NID1: variants seen among roughly 807,000 people sequenced by gnomAD.
The protein encoded by NID1 is nidogen 1.
Under a neutral mutation model 130.6 loss-of-function variants are expected in NID1, and 76 were observed. That is an observed-to-expected ratio of 0.58 (90% CI 0.48 to 0.70). NID1 has a LOEUF of 0.70. NID1 is among the 30% of genes least tolerant of loss of function. The probability of loss-of-function intolerance (pLI) is 0.00; values close to 1 mark genes in which losing one functional copy is unlikely to be tolerated. For synonymous variants in NID1, 665 were observed against 675.1 expected, an observed-to-expected ratio of 0.98 and a Z score of 0.23; for missense variants, 1,517 against 1,664.8, an observed-to-expected ratio of 0.91 and a Z score of 1.54.
intron 4 of NID1, among the ~76,000 whole-genome samples, chr1:236,040,425 G>T (rs539749771): frequency 6.6e-6 from 1 of 152,308 alleles, no homozygotes; most frequent in East Asian, 1.9e-4. Context: ...GAACAAGCGT[G>T]TATGGCTACT....
intron 16 of NID1, among the ~76,000 whole-genome samples, chr1:235,981,286 G>A (rs565474445): frequency 1.3e-4 from 20 of 152,154 alleles, no homozygotes; most frequent in African/African-American, 3.4e-4. Context: ...CATTTATGCC[G>A]CCCTGCTACT....
rs1209635554 is a variant in NID1 at position 236,032,711 on chromosome 1, C to G, written c.1286-59G>C. On this transcript the variant is annotated intron_variant, in intron 5 of 19. Transcript: ENST00000264187. ...CACTTCCAAGCCAGTCTTTCAAACACGAGTAATATGTAGGACCTGTACCTA... is the reference window on the plus strand; with the variant it reads ...CACTTCCAAGCCAGTCTTTCAAACAGGAGTAATATGTAGGACCTGTACCTA... 2.5e-6 allele frequency: 4 copies of G among 1,592,916 alleles called. No individual in the cohort carries two copies. In the East Asian group the frequency reaches 8.9e-5, roughly 36 times the overall value.
At chr1:236,024,309 A>C in intron 8 of NID1, 96 bp from the exon 9 acceptor site, 1 of 1,433,352 alleles carries the variant, frequency 7.0e-7, no homozygotes, top group Non-Finnish European at 9.5e-7. Context: ...GTGAGCAAGA[A>C]GGTGATCACA....
At chr1:236,003,134 G>A (rs9726902) in intron 12 of NID1, among the ~76,000 whole-genome samples, 32,540 of 123,500 alleles carry the variant, frequency 0.26, 5,041 homozygotes, top group Non-Finnish European at 0.31. Context: ...GTGAACGACT[G>A]GTAGTTGTCA....
At chr1:236,051,048 T>G (rs1659750956) in intron 1 of NID1, among the ~76,000 whole-genome samples, 1 of 151,778 alleles carries the variant, frequency 6.6e-6, no homozygotes, top group South Asian at 2.1e-4. Flanking sequence ...GCACTGATGA[T>G]GCACTCCAGC....
chr1:236,019,621 T>C (rs554616939), intron 9 of NID1, among the ~76,000 whole-genome samples: 1 of 152,338 alleles, frequency 6.6e-6, no homozygotes, highest in Non-Finnish European at 1.5e-5. Flanking sequence ...TCCACCTCCA[T>C]GCCGGCTTAC....
chr1:235,980,472 G>T (rs1255876145), intron 17 of NID1, 24 bp downstream of exon 17: 1 of 1,613,310 alleles, frequency 6.2e-7, no homozygotes, highest in Non-Finnish European at 8.5e-7. Flanking sequence ...GACCCGCCCT[G>T]GACAGTGTCC....
In NID1 at chr1:236,052,741, A is replaced by G. The variant is rs1022836911; in HGVS notation, c.226-3752T>C. Among the ~76,000 whole-genome samples, 5 of 152,162 alleles carry G rather than the reference A, an allele frequency of 3.3e-5. No individual in the cohort carries two copies. The South Asian group carries it at 1.0e-3, about 32-fold the overall frequency. On this transcript the variant is annotated intron_variant, in intron 1 of 19. Transcript: ENST00000264187. ...CTATGCCAAAGTCGGGTGAACTGGC[A>G]TGTCTAAACTGTCCGACTGTGAGTG...
In NID1 at chr1:235,979,139, C is replaced by A; in HGVS notation, c.3510-32G>T. On this transcript the variant is annotated intron_variant, in intron 18 of 19. Coordinates refer to ENST00000264187, the MANE Select transcript of NID1 (RefSeq NM_002508.3). This position sits in a 1 kb window ranked among gnomAD's most constrained non-coding sequence, Gnocchi z 4.6. ...AGCACCAAAGGGCAGAAGGTGAAAA[C>A]ACATCTGATGGCTTGAACTTGTATC... 2 of 1,372,206 alleles carry A rather than the reference C, an allele frequency of 1.5e-6. No individual in the cohort carries two copies. The highest frequency in any genetic ancestry group is 2.1e-6 in the Non-Finnish European group (2 of 959,844). 85.0% of individuals were successfully genotyped at this position (1,372,206 alleles called of 1,614,324 possible).
intron 10 of NID1, among the ~76,000 whole-genome samples, chr1:236,015,779 G>T (rs1050164285): frequency 2.0e-4 from 30 of 151,784 alleles, no homozygotes; most frequent in African/African-American, 7.0e-4. Flanking sequence ...GGAAACCAAT[G>T]ATCCGGTCTA....
chr1:235,983,934 G>T (rs941075919), intron 15 of NID1, among the ~76,000 whole-genome samples: 8 of 151,608 alleles, frequency 5.3e-5, no homozygotes, highest in African/African-American at 1.9e-4. Flanking sequence ...CACTAGGGAA[G>T]CACCAACCTG....
At chr1:236,014,851 C>T (rs1658540799) in intron 10 of NID1, among the ~76,000 whole-genome samples, 1 of 152,210 alleles carries the variant, frequency 6.6e-6, no homozygotes, top group Non-Finnish European at 1.5e-5. Context: ...TACATCTTCA[C>T]ATCAAGCTGA....
At chr1:235,982,598 G>A (rs1218582562) in intron 15 of NID1, among the ~76,000 whole-genome samples, 1 of 152,190 alleles carries the variant, frequency 6.6e-6, no homozygotes, top group Non-Finnish European at 1.5e-5. Context: ...TTTCAAGCCA[G>A]GAGTTGCCAC....
intron 4 of NID1, among the ~76,000 whole-genome samples, chr1:236,040,092 C>T (rs1659405789): frequency 6.6e-6 from 1 of 152,100 alleles, no homozygotes; most frequent in Admixed American, 6.6e-5. Context: ...TGGTCTCATT[C>T]AAATGTGATG....
chr1:236,007,543 T>C (rs1302020582), intron 12 of NID1, among the ~76,000 whole-genome samples: 1 of 152,216 alleles, frequency 6.6e-6, no homozygotes, highest in Admixed American at 6.5e-5. Context: ...GATTCGTTTA[T>C]AAAAGACTGT....
chr1:236,049,034 C>T (rs1479249570), intron 1 of NID1, 45 bp from the exon 2 acceptor site: 2 of 1,595,146 alleles, frequency 1.3e-6, no homozygotes, highest in East Asian at 2.2e-5. Context: ...GAAACGGGTC[C>T]TTTCTCAGTA....
At position 235,980,500 on chromosome 1, in the gene NID1, A is replaced by G; in HGVS notation, c.3381T>C (p.Asp1127=). ...DAFSSQLCWV[D]AGTNRAECLN... ...CAGTGTCCAGCTTTCCATCACCTGC[A>G]TCCACCCAGCAGAGCTGAGATGAGA... The change falls in exon 17 of 20, where the codon GAT becomes GAC. Residue 1127 remains aspartate, a synonymous_variant. Transcript: ENST00000264187. 1.2e-6 allele frequency: 2 copies of G among 1,614,098 alleles called. No homozygotes were observed. Among genetic ancestry groups the G allele is most frequent in the Non-Finnish European group, 1.7e-6 (2 of 1,179,976 alleles).
At chr1:235,981,205 G>A (rs558454116) in intron 16 of NID1, among the ~76,000 whole-genome samples, 31 of 152,310 alleles carry the variant, frequency 2.0e-4, no homozygotes, top group African/African-American at 7.2e-4. Context: ...TGGATGTGCC[G>A]AAGAAACACA....
At chr1:236,025,474 C>A (rs1039847257) in intron 8 of NID1, among the ~76,000 whole-genome samples, 15 of 151,976 alleles carry the variant, frequency 9.9e-5, no homozygotes, top group Non-Finnish European at 1.9e-4. Flanking sequence ...GTTGGCCAGG[C>A]TGGTCTCAAA....
Sources: gnomAD v4.1 joint callset for allele counts (sites outside exome capture counted in the v4.1 genomes callset) on GRCh38, gnomAD v4.1.1 for gene constraint, Gnocchi (gnomAD v3.1) non-coding constraint, MANE v1.5 for transcripts, NCBI Gene and HGNC (gene_info 2026-07-23, HGNC 2026-07-21) for gene names.